The following STXBP5 variants were observed in gnomAD, a reference collection of about 807,000 sequenced individuals.
STXBP5 encodes syntaxin binding protein 5.
STXBP5 carries 50 observed loss-of-function variants against 152.4 expected under a neutral mutation model. That is an observed-to-expected ratio of 0.33 (90% CI 0.26 to 0.42). The LOEUF is 0.42. STXBP5 is among the 10% of genes least tolerant of loss of function. The pLI, the probability that STXBP5 is intolerant of heterozygous loss-of-function variation, is 1.00. For synonymous variants in STXBP5, 492 were observed against 494.7 expected (o/e 0.99, Z 0.07); for missense variants, 1,167 against 1,388.6 (o/e 0.84, Z 2.54).
chr6:147,343,321 C>G (rs1373523132), intron 21 of STXBP5, among the ~76,000 whole-genome samples: 2 of 152,186 alleles, frequency 1.3e-5, no homozygotes, highest in East Asian at 3.9e-4. Flanking sequence ...CAATAATGTT[C>G]TTTCAAGTGC....
chr6:147,368,288 C>G (rs771722581), intron 25 of STXBP5, among the ~76,000 whole-genome samples: 10 of 151,722 alleles, frequency 6.6e-5, no homozygotes, highest in Admixed American at 6.6e-4. Context: ...AAATTGAATT[C>G]AGCAATATAT....
chr6:147,212,912 C>T (rs1218452220), intron 2 of STXBP5, among the ~76,000 whole-genome samples: 2 of 151,914 alleles, frequency 1.3e-5, no homozygotes, highest in Non-Finnish European at 2.9e-5. Flanking sequence ...GAAACCAGGA[C>T]TTTTTTTTAA....
chr6:147,209,975 T>C (rs909756403), intron 2 of STXBP5, among the ~76,000 whole-genome samples: 3 of 152,170 alleles, frequency 2.0e-5, no homozygotes, highest in Non-Finnish European at 4.4e-5. Flanking sequence ...CTGCATGATA[T>C]TCAGTTAGGA....
At chr6:147,260,858 T>C (rs780745067) in intron 5 of STXBP5, 109 bp downstream of exon 5, 47 of 1,322,896 alleles carry the variant, frequency 3.6e-5, no homozygotes, top group Non-Finnish European at 4.1e-6. Context: ...ATGTGACAGA[T>C]GTTCTTAATA....
chr6:147,219,712 A>G (rs1777358716), intron 2 of STXBP5, among the ~76,000 whole-genome samples: 1 of 151,338 alleles, frequency 6.6e-6, no homozygotes, highest in African/African-American at 2.4e-5. Flanking sequence ...TTTAATGTCC[A>G]TGGAAATTAA....
chr6:147,296,115 C>T (rs1781510565), intron 9 of STXBP5, among the ~76,000 whole-genome samples: 1 of 152,128 alleles, frequency 6.6e-6, no homozygotes, highest in Non-Finnish European at 1.5e-5. Flanking sequence ...TGGGCTGCTG[C>T]AGTACTACAT....
intron 16 of STXBP5, among the ~76,000 whole-genome samples, chr6:147,316,901 G>T (rs1277199885): frequency 6.6e-6 from 1 of 152,096 alleles, no homozygotes; most frequent in African/African-American, 2.4e-5. Flanking sequence ...TTTATACAGA[G>T]ATAAATTGGA....
intron 21 of STXBP5, among the ~76,000 whole-genome samples, chr6:147,352,840 CA>C (rs1784649934): frequency 6.6e-6 from 1 of 152,000 alleles, no homozygotes; most frequent in Non-Finnish European, 1.5e-5. Context: ...ATTTTAAGTA[CA>C]AAAAGATATT....
rs1786519249 is a variant in STXBP5, at chr6:147,390,038, C to T, written c.*5283C>T. 6.6e-6 allele frequency: 1 copy of T among 151,894 alleles called. No individual in the cohort carries two copies. The highest frequency in any genetic ancestry group is 2.1e-4 in the South Asian group (1 of 4,824). The allele number at this position is 151,894 out of a possible 1,614,324, so 9.4% of individuals were successfully genotyped here. ...AGGGGCAAGCATGCTTGGTATAGAG[C>T]TCTAGCTTGTGTATACCTTAAACTG... On this transcript the variant is annotated 3_prime_UTR_variant, in exon 28 of 28. Coordinates refer to ENST00000321680, the MANE Select transcript of STXBP5 (RefSeq NM_001127715.4).
At chr6:147,298,763 A>G (rs1781658817) in intron 9 of STXBP5, among the ~76,000 whole-genome samples, 1 of 152,040 alleles carries the variant, frequency 6.6e-6, no homozygotes, top group South Asian at 2.1e-4. Context: ...AAAATGGAAA[A>G]TAAATGATTC....
intron 26 of STXBP5, among the ~76,000 whole-genome samples, chr6:147,379,948 C>T (rs1164255311): frequency 3.9e-5 from 6 of 151,922 alleles, no homozygotes; most frequent in Admixed American, 1.3e-4. Flanking sequence ...AAGACATGTA[C>T]AATAAAAACT....
At chr6:147,277,177 T>C (rs1780482940) in intron 7 of STXBP5, among the ~76,000 whole-genome samples, 1 of 152,106 alleles carries the variant, frequency 6.6e-6, no homozygotes, top group Non-Finnish European at 1.5e-5. Context: ...TTTTATAATA[T>C]TTAGCTTAAA....
chr6:147,213,449 T>TGC (rs1776976699), intron 2 of STXBP5, among the ~76,000 whole-genome samples: 1 of 141,798 alleles, frequency 7.1e-6, no homozygotes, highest in African/African-American at 2.8e-5. Context: ...TGTGTGTGTG[T>TGC]GTGTGTGTGT....
intron 25 of STXBP5, among the ~76,000 whole-genome samples, chr6:147,371,549 C>T (rs1368798365): frequency 6.6e-6 from 1 of 152,068 alleles, no homozygotes; most frequent in African/African-American, 2.4e-5. Context: ...TTATCTCCCC[C>T]TTTTAAAGTT....
chr6:147,248,386 A>C (rs540746345), intron 4 of STXBP5, among the ~76,000 whole-genome samples: 5 of 152,290 alleles, frequency 3.3e-5, no homozygotes, highest in Non-Finnish European at 7.4e-5. Flanking sequence ...ATGCAAATGT[A>C]TATTACAATA....
At chr6:147,286,199 G>T (rs1362869853) in intron 8 of STXBP5, among the ~76,000 whole-genome samples, 2 of 151,878 alleles carry the variant, frequency 1.3e-5, no homozygotes, top group African/African-American at 4.8e-5. Context: ...CTTTCTTCTG[G>T]CAGTTCTTTC....
chr6:147,211,259 A>G (rs1480062339), intron 2 of STXBP5, among the ~76,000 whole-genome samples: 3 of 151,532 alleles, frequency 2.0e-5, no homozygotes, highest in African/African-American at 7.3e-5. Context: ...CAGTGAGCCA[A>G]GATTGTGCCA....
intron 2 of STXBP5, among the ~76,000 whole-genome samples, chr6:147,228,781 A>G (rs1777856297): frequency 6.6e-6 from 1 of 152,104 alleles, no homozygotes; most frequent in Admixed American, 6.6e-5. Flanking sequence ...AGTCATTATA[A>G]TATCCAAAAT....
intron 9 of STXBP5, among the ~76,000 whole-genome samples, chr6:147,298,011 G>C (rs1781615914): frequency 1.3e-5 from 2 of 151,960 alleles, no homozygotes. Flanking sequence ...TTACCTGTCA[G>C]TAATTACCTT....
Sources: gnomAD v4.1 joint callset for allele counts (sites outside exome capture counted in the v4.1 genomes callset) on GRCh38, gnomAD v4.1.1 for gene constraint, MANE v1.5 for transcripts, NCBI Gene and HGNC (gene_info 2026-07-23, HGNC 2026-07-21) for gene names.